KLHL6: variants seen among roughly 807,000 people sequenced by gnomAD.
KLHL6 encodes kelch like family member 6, also known as kelch-like protein 6.
In KLHL6, 41 loss-of-function variants were observed where a neutral mutation model predicts 58.6. The ratio of observed to expected loss-of-function variants is 0.70; its 90% confidence interval spans 0.55 to 0.91. The LOEUF (loss-of-function observed/expected upper bound fraction) is 0.91, where lower values mean the gene tolerates loss of function less well. Ranked by LOEUF, KLHL6 falls within the 40% of genes least tolerant of loss-of-function variation. The pLI is 0.00. For missense variants in KLHL6, 714 were observed against 805.6 expected (o/e 0.89, Z 1.38); for synonymous variants, 338 against 322.7 (o/e 1.05, Z -0.51).
At chr3:183,538,754 A>G (rs1712445972) in intron 1 of KLHL6, among the ~76,000 whole-genome samples, 1 of 152,184 alleles carries the variant, frequency 6.6e-6, no homozygotes, top group African/African-American at 2.4e-5. Flanking sequence ...TTCTTAGTTC[A>G]AGGCACCAAA....
chr3:183,515,600 T>C (rs1168801256), intron 2 of KLHL6, among the ~76,000 whole-genome samples: 1 of 152,066 alleles, frequency 6.6e-6, no homozygotes, highest in East Asian at 1.9e-4. Context: ...ATCCTACCTA[T>C]TCATGAAGTT....
At chr3:183,508,736 A>C (rs1718095102) in intron 2 of KLHL6, among the ~76,000 whole-genome samples, 1 of 152,226 alleles carries the variant, frequency 6.6e-6, no homozygotes, top group Non-Finnish European at 1.5e-5. Context: ...CAAAACAATG[A>C]GATACTTACG....
At chr3:183,501,563 G>A (rs576332124) in intron 3 of KLHL6, among the ~76,000 whole-genome samples, 40 of 152,232 alleles carry the variant, frequency 2.6e-4, no homozygotes, top group African/African-American at 9.4e-4. Flanking sequence ...AACCTGTTGG[G>A]TGATTGAGAG....
Position 183,492,833 on chromosome 3 carries a change from G to T in KLHL6, c.1351-126C>A. 1 of 786,594 alleles carries T rather than the reference G, an allele frequency of 1.3e-6. No individual in the cohort carries two copies. The allele number at this position is 786,594 out of a possible 1,614,324, so 48.7% of individuals were successfully genotyped here. On this transcript the variant is annotated intron_variant, in intron 5 of 6. Transcript: ENST00000341319. This position sits in a 1 kb window ranked among gnomAD's most constrained non-coding sequence, Gnocchi z 5.9. ...GGCATCTTTTGCCTATAGTCACAAG[G>T]CCCATGGGCTTGACTCCTCTTAAGA... is the stretch of plus-strand genomic sequence containing the variant.
chr3:183,487,759 T>A lies in KLHL6; in HGVS notation c.*4168A>T, dbSNP rs1717441196. On this transcript the variant is annotated 3_prime_UTR_variant, in exon 7 of 7. Coordinates refer to ENST00000341319, the MANE Select transcript of KLHL6 (RefSeq NM_130446.4). ...AAAACTGGTTTTGCAGTAGCCAGATTTGAGATATATGTGGATTTCTAAAAG... is the reference window on the plus strand; with the variant it reads ...AAAACTGGTTTTGCAGTAGCCAGATATGAGATATATGTGGATTTCTAAAAG... The A allele has an allele frequency of 1.3e-5, 2 of 152,160 alleles. No homozygotes were observed. The highest frequency in any genetic ancestry group is 2.1e-4 in the South Asian group (1 of 4,824). 9.4% of individuals were successfully genotyped at this position (152,160 alleles called of 1,614,324 possible). A position where few individuals can be genotyped will look rare whatever the true frequency, so the allele number is the denominator to read the frequency against.
intron 1 of KLHL6, among the ~76,000 whole-genome samples, chr3:183,528,418 G>A (rs1712051362): frequency 6.6e-6 from 1 of 152,212 alleles, no homozygotes; most frequent in Non-Finnish European, 1.5e-5. Flanking sequence ...ATTCTGGCCT[G>A]GCCAGCTGAG....
chr3:183,538,480 T>A (rs547043589), intron 1 of KLHL6, among the ~76,000 whole-genome samples: 2 of 152,358 alleles, frequency 1.3e-5, no homozygotes, highest in South Asian at 4.1e-4. Context: ...TGAGATATTC[T>A]GTGTGGCGGT....
intron 1 of KLHL6, among the ~76,000 whole-genome samples, chr3:183,555,112 C>A (rs79475467): frequency 0.012 from 1,775 of 152,140 alleles, 34 homozygotes; most frequent in African/African-American, 0.04. Context: ...TTGCGGTGAA[C>A]CGAGATTGCG....
rs1712877455 is a variant in KLHL6, at chr3:183,550,571, G to A, written c.293+4790C>T. 2.0e-5 allele frequency among the ~76,000 whole-genome samples: 3 copies of A among 152,046 alleles called. No individual in the cohort carries two copies. The South Asian group carries it at 6.2e-4, about 32-fold the overall frequency. On this transcript the variant is annotated intron_variant, in intron 1 of 6. Transcript: ENST00000341319. ...GCAATTTGGGAGGCGGAGGTGGGTG[G>A]ATCACCTGAGGTCAGGAGTTCCAGA...
chr3:183,491,570 C>T lies in KLHL6; in HGVS notation c.*357G>A, dbSNP rs1396300118. On this transcript the variant is annotated 3_prime_UTR_variant, in exon 7 of 7. Transcript: ENST00000341319. ...TGATCAGGGGCACGCCACTTAGCCT[C>T]TGTGAAACTTGGTTCCCTCACCTGT... is the stretch of plus-strand genomic sequence containing the variant. 1 of 204,840 alleles carries T rather than the reference C, an allele frequency of 4.9e-6. No individual in the cohort carries two copies. The highest frequency in any genetic ancestry group is 9.7e-6 in the Non-Finnish European group (1 of 103,066). 12.7% of individuals were successfully genotyped at this position (204,840 alleles called of 1,614,324 possible). A position where few individuals can be genotyped will look rare whatever the true frequency, so the allele number is the denominator to read the frequency against.
chr3:183,552,535 A>G (rs373045022), intron 1 of KLHL6, among the ~76,000 whole-genome samples: 1,988 of 151,870 alleles, frequency 0.013, 37 homozygotes, highest in African/African-American at 0.045. Context: ...TGGCTAACAC[A>G]GTGAAACCCC....
At chr3:183,532,214 C>G (rs1286156809) in intron 1 of KLHL6, among the ~76,000 whole-genome samples, 1 of 152,072 alleles carries the variant, frequency 6.6e-6, no homozygotes, top group Non-Finnish European at 1.5e-5. Context: ...AGAGAGATTC[C>G]ACACCCACCT....
At position 183,491,484 on chromosome 3, in the gene KLHL6, TTGAC is replaced by T. The variant is rs1717551092; in HGVS notation, c.*439_*442del. ...GATAGGCAGCATGGTGGAAAGAGCA[TTGAC>T]TTCGGAGATGAAAGACCTGGATTTT... On this transcript the variant is annotated 3_prime_UTR_variant, in exon 7 of 7. Transcript: ENST00000341319. 1 of 156,696 alleles carries T rather than the reference TTGAC, an allele frequency of 6.4e-6. No homozygotes were observed. The highest frequency in any genetic ancestry group is 1.9e-4 in the East Asian group (1 of 5,358). The allele number at this position is 156,696 out of a possible 1,614,324, so 9.7% of individuals were successfully genotyped here.
At chr3:183,517,236 C>T (rs1410894806) in intron 2 of KLHL6, among the ~76,000 whole-genome samples, 1 of 152,164 alleles carries the variant, frequency 6.6e-6, no homozygotes, top group Non-Finnish European at 1.5e-5. Flanking sequence ...TTTGTCAAAA[C>T]TTTTCTTCTC....
At chr3:183,539,050 G>T (rs1185675204) in intron 1 of KLHL6, among the ~76,000 whole-genome samples, 1 of 152,206 alleles carries the variant, frequency 6.6e-6, no homozygotes, top group African/African-American at 2.4e-5. Context: ...CTGGAGGTAT[G>T]TATTTAATTA....
chr3:183,534,205 C>T (rs539593239), intron 1 of KLHL6, among the ~76,000 whole-genome samples: 1 of 68,246 alleles, frequency 1.5e-5, no homozygotes, highest in South Asian at 4.5e-4. Context: ...GCTTGCCTCG[C>T]TGCCTCCTGA....
chr3:183,518,168 T>C (rs1206693329), intron 2 of KLHL6, among the ~76,000 whole-genome samples: 1 of 152,110 alleles, frequency 6.6e-6, no homozygotes, highest in African/African-American at 2.4e-5. Flanking sequence ...TGGAGGGAAG[T>C]GGATATATGG....
In KLHL6 at chr3:183,508,054, C is replaced by T. The variant is rs1718059696; in HGVS notation, c.909+5G>A. On this transcript the variant is annotated splice_donor_5th_base_variant and intron_variant, in intron 3 of 6. Coordinates refer to ENST00000341319, the MANE Select transcript of KLHL6 (RefSeq NM_130446.4). Reference sequence around the variant, plus strand: ...TAAATATAGCACCTCTTATCTTCTACTCACCTCATTGCCAGAAAGGTGGTA... The same window carrying T: ...TAAATATAGCACCTCTTATCTTCTATTCACCTCATTGCCAGAAAGGTGGTA... 6.2e-7 allele frequency: 1 copy of T among 1,612,262 alleles called. No individual in the cohort carries two copies. Among genetic ancestry groups the T allele is most frequent in the Non-Finnish European group, 8.5e-7 (1 of 1,178,594 alleles).
At chr3:183,524,508 A>G (rs544705601) in intron 2 of KLHL6, among the ~76,000 whole-genome samples, 3 of 152,220 alleles carry the variant, frequency 2.0e-5, no homozygotes, top group Non-Finnish European at 2.9e-5. Context: ...TCCTCCTAAA[A>G]GAAACTGTCC....
Sources: gnomAD v4.1 joint callset for allele counts (sites outside exome capture counted in the v4.1 genomes callset) on GRCh38, gnomAD v4.1.1 for gene constraint, Gnocchi (gnomAD v3.1) non-coding constraint, MANE v1.5 for transcripts, NCBI Gene and HGNC (gene_info 2026-07-23, HGNC 2026-07-21) for gene names.